The following RNF145 variants were observed in gnomAD, a reference collection of about 807,000 sequenced individuals.
RNF145 encodes the protein ring finger protein 145.
A neutral mutation model predicts 57.3 loss-of-function variants in RNF145; 12 were observed. The ratio of observed to expected loss-of-function variants is 0.21; its 90% CI spans 0.13 to 0.34. RNF145 has a LOEUF of 0.34. Ranked by LOEUF, RNF145 falls within the 10% of genes least tolerant of loss-of-function variation. RNF145 has a pLI of 1.00. For synonymous variants in RNF145, 262 were observed against 288.3 expected, an observed-to-expected ratio of 0.91 and a Z score of 0.92; for missense variants, 429 against 799.0, an observed-to-expected ratio of 0.54 and a Z score of 5.58.
At chr5:159,174,976 G>T (rs1784669493) in intron 5 of RNF145, among the ~76,000 whole-genome samples, 1 of 152,096 alleles carries the variant, frequency 6.6e-6, no homozygotes, top group Non-Finnish European at 1.5e-5. Context: ...GAATTCTGCT[G>T]GACAGCTTAC....
chr5:159,162,012 G>A (rs1411765889), intron 9 of RNF145, among the ~76,000 whole-genome samples: 2 of 152,066 alleles, frequency 1.3e-5, no homozygotes, highest in Non-Finnish European at 2.9e-5. Context: ...TCGCAAAGAA[G>A]TTTTACTTCT....
At chr5:159,182,077 T>A in intron 3 of RNF145, 26 bp from the exon 4 acceptor site, 4 of 1,336,428 alleles carry the variant, frequency 3.0e-6, no homozygotes, top group Non-Finnish European at 4.3e-6. Flanking sequence ...GATTAGAATG[T>A]ATATATTAGA....
Position 159,203,486 on chromosome 5 carries a change from A to T in RNF145, c.132T>A (p.Ser44Arg). Residue 44 changes from serine (S) to arginine (R), a missense_variant, in exon 2 of 11, where the codon AGT becomes AGA. By Grantham distance (110) the Ser-to-Arg change is moderately radical. Coordinates refer to ENST00000424310, the MANE Select transcript of RNF145 (RefSeq NM_001199383.2). Reference sequence around the variant, plus strand: ...ACTTATACTGGAAAAGAGGGTTATTACTAAGGCTACTTCTTTGGATCTGCT... The same window carrying T: ...ACTTATACTGGAAAAGAGGGTTATTTCTAAGGCTACTTCTTTGGATCTGCT... Reference protein sequence around the residue: ...FFQQIQRSSLSNNPLFQYKYL... With the variant: ...FFQQIQRSSLRNNPLFQYKYL... 4 of 1,614,140 alleles carry T rather than the reference A, an allele frequency of 2.5e-6. No individual in the cohort carries two copies. The highest frequency in any genetic ancestry group is 3.4e-6 in the Non-Finnish European group (4 of 1,179,978).
intron 7 of RNF145, among the ~76,000 whole-genome samples, chr5:159,169,444 A>G (rs963578597): frequency 6.6e-6 from 1 of 152,250 alleles, no homozygotes; most frequent in African/African-American, 2.4e-5. Flanking sequence ...AAAGAAATCT[A>G]GGGAAGGAAG....
At chr5:159,171,945 T>C (rs1265842097) in intron 6 of RNF145, among the ~76,000 whole-genome samples, 4 of 152,230 alleles carry the variant, frequency 2.6e-5, no homozygotes, top group African/African-American at 7.2e-5. Context: ...AAAAAAATTA[T>C]GTTAGCAAGA....
chr5:159,188,213 T>G (rs1295624442), intron 3 of RNF145, among the ~76,000 whole-genome samples: 1 of 148,168 alleles, frequency 6.7e-6, no homozygotes, highest in Admixed American at 6.7e-5. Context: ...AAACCCCATC[T>G]CTACTAAAAA....
intron 5 of RNF145, among the ~76,000 whole-genome samples, chr5:159,174,895 A>G (rs1162256762): frequency 3.9e-5 from 6 of 152,194 alleles, no homozygotes; most frequent in African/African-American, 1.4e-4. Context: ...ATCTGATTCA[A>G]TCTAAGAGCA....
At chr5:159,199,389 GAAAA>G (rs66787021) in intron 2 of RNF145, among the ~76,000 whole-genome samples, 1 of 140,886 alleles carries the variant, frequency 7.1e-6, no homozygotes, top group Non-Finnish European at 1.5e-5. Flanking sequence ...GAAAAATCAG[GAAAA>G]AAAAAAAAAA....
chr5:159,179,725 C>G (rs1784825889), intron 4 of RNF145, among the ~76,000 whole-genome samples: 1 of 151,994 alleles, frequency 6.6e-6, no homozygotes, highest in South Asian at 2.1e-4. Context: ...AATAAATATG[C>G]CAACTCATAA....
At chr5:159,163,294 A>G (rs542085438) in intron 8 of RNF145, among the ~76,000 whole-genome samples, 4 of 152,140 alleles carry the variant, frequency 2.6e-5, no homozygotes, top group Non-Finnish European at 4.4e-5. Flanking sequence ...AGTACAGCTG[A>G]TTTTCTTTTG....
rs189133399 is a variant in RNF145 at position 159,164,109 on chromosome 5, C to T, written c.1122-1030G>A. On this transcript the variant is annotated intron_variant, in intron 8 of 10. Coordinates refer to ENST00000424310, the MANE Select transcript of RNF145 (RefSeq NM_001199383.2). ...GTCAGGAAGTAAAAGTTACCACACACAAGGTCAAATGCTATACAGTGTGGT... is the reference window on the plus strand; with the variant it reads ...GTCAGGAAGTAAAAGTTACCACACATAAGGTCAAATGCTATACAGTGTGGT... Among the ~76,000 whole-genome samples the T allele has an allele frequency of 1.8e-3, 268 of 152,252 alleles. 1 individual carries two copies. The highest frequency in any genetic ancestry group is 6.3e-3 in the African/African-American group (263 of 41,554).
chr5:159,173,071 A>C (rs921614235), intron 6 of RNF145, among the ~76,000 whole-genome samples: 7 of 152,234 alleles, frequency 4.6e-5, no homozygotes, highest in Non-Finnish European at 5.9e-5. Context: ...CTTAAATGAC[A>C]TGAGATTTAA....
chr5:159,168,403 T>C lies in RNF145; in HGVS notation c.1121+470A>G, dbSNP rs560659996. Among the ~76,000 whole-genome samples, 23 of 152,304 alleles carry C rather than the reference T, an allele frequency of 1.5e-4. No homozygotes were observed. The South Asian group carries it at 4.8e-3, about 32-fold the overall frequency. On this transcript the variant is annotated intron_variant, in intron 8 of 10. Coordinates refer to ENST00000424310, the MANE Select transcript of RNF145 (RefSeq NM_001199383.2). ...AAAACTCCATCAAATGAGGCTGTTT[T>C]TCCATAAATGTCTATTTTATGATTA...
chr5:159,172,496 G>T (rs934082664), intron 6 of RNF145, among the ~76,000 whole-genome samples: 3 of 151,500 alleles, frequency 2.0e-5, no homozygotes, highest in Non-Finnish European at 2.9e-5. Context: ...AAAAAAGTCT[G>T]CATAAAACCT....
chr5:159,188,101 G>T (rs992406116), intron 3 of RNF145, among the ~76,000 whole-genome samples: 1 of 152,068 alleles, frequency 6.6e-6, no homozygotes, highest in Non-Finnish European at 1.5e-5. Flanking sequence ...AAGAACACTG[G>T]GCCAGGCACA....
chr5:159,186,530 T>C (rs1785060861), intron 3 of RNF145, among the ~76,000 whole-genome samples: 1 of 152,176 alleles, frequency 6.6e-6, no homozygotes, highest in South Asian at 2.1e-4. Flanking sequence ...AAGTTATCTT[T>C]TGCAATATGG....
chr5:159,181,910 G>T (rs747080777), intron 4 of RNF145, 50 bp downstream of exon 4: 6 of 1,053,186 alleles, frequency 5.7e-6, no homozygotes, highest in Non-Finnish European at 8.7e-6. Flanking sequence ...TTATAAGTTA[G>T]TAAGACTGGT....
chr5:159,183,237 A>T (rs1247390508), intron 3 of RNF145, among the ~76,000 whole-genome samples: 5 of 152,216 alleles, frequency 3.3e-5, no homozygotes, highest in Non-Finnish European at 7.3e-5. Flanking sequence ...GAGGAAGCCA[A>T]ATTCTCAGGA....
At chr5:159,207,254 T>C (rs1202593412) in intron 1 of RNF145, among the ~76,000 whole-genome samples, 2 of 152,146 alleles carry the variant, frequency 1.3e-5, no homozygotes, top group Non-Finnish European at 2.9e-5. Flanking sequence ...ATGTAGGTTT[T>C]TACAGTCACA....
Sources: gnomAD v4.1 joint callset for allele counts (sites outside exome capture counted in the v4.1 genomes callset) on GRCh38, gnomAD v4.1.1 for gene constraint, MANE v1.5 for transcripts, NCBI Gene and HGNC (gene_info 2026-07-23, HGNC 2026-07-21) for gene names.